Variants in PSD3 observed in about 807,000 individuals in gnomAD.
The protein encoded by PSD3 is pleckstrin and Sec7 domain containing 3.
In PSD3, 49 loss-of-function variants were observed where a neutral mutation model predicts 105.5. The ratio of observed to expected loss-of-function variants is 0.46; its 90% confidence interval spans 0.37 to 0.59. The LOEUF (loss-of-function observed/expected upper bound fraction) is 0.59, where lower values mean the gene tolerates loss of function less well. PSD3 is among the 20% of genes least tolerant of loss of function. PSD3 has a pLI of 0.00. For missense variants in PSD3, 1,561 were observed against 1,263.8 expected (o/e 1.24, Z -3.57); for synonymous variants, 557 against 457.8 (o/e 1.22, Z -2.77).
intron 1 of PSD3, among the ~76,000 whole-genome samples, chr8:19,023,739 T>C (rs1827444450): frequency 6.6e-6 from 1 of 152,188 alleles, no homozygotes; most frequent in Non-Finnish European, 1.5e-5. Context: ...GAATGGCTAC[T>C]GTATTTAGAC....
At chr8:18,704,049 G>C (rs1181959515) in intron 9 of PSD3, among the ~76,000 whole-genome samples, 1 of 152,128 alleles carries the variant, frequency 6.6e-6, no homozygotes, top group African/African-American at 2.4e-5. Context: ...AGATGAAAAA[G>C]CAAGAAACAA....
intron 9 of PSD3, among the ~76,000 whole-genome samples, chr8:18,755,411 C>T (rs1456657847): frequency 1.4e-5 from 2 of 143,964 alleles, no homozygotes; most frequent in African/African-American, 2.6e-5. Context: ...GCCTGGGCAA[C>T]AGAGTGAGAC....
chr8:18,607,769 G>T (rs918513221), intron 11 of PSD3, among the ~76,000 whole-genome samples: 1 of 151,212 alleles, frequency 6.6e-6, no homozygotes, highest in Non-Finnish European at 1.5e-5. Flanking sequence ...ACCTATGACT[G>T]GGTAATTTAT....
chr8:18,634,762 G>A (rs774917176), intron 10 of PSD3, among the ~76,000 whole-genome samples: 2 of 152,132 alleles, frequency 1.3e-5, no homozygotes, highest in African/African-American at 4.8e-5. Flanking sequence ...TATAGGTGAT[G>A]CATCTTTCTC....
intron 1 of PSD3, among the ~76,000 whole-genome samples, chr8:18,970,378 C>T (rs1036405688): frequency 8.0e-5 from 12 of 149,382 alleles, no homozygotes; most frequent in Non-Finnish European, 3.0e-5. Flanking sequence ...AACCTCATTT[C>T]CCCCAATATA....
intron 1 of PSD3, among the ~76,000 whole-genome samples, chr8:19,046,404 T>G (rs1828320357): frequency 6.6e-6 from 1 of 152,120 alleles, no homozygotes. Flanking sequence ...CCACCGTGCC[T>G]GGCCGGTAAC....
At chr8:18,908,047 C>T (rs1819961813) in intron 2 of PSD3, among the ~76,000 whole-genome samples, 2 of 152,114 alleles carry the variant, frequency 1.3e-5, no homozygotes, top group Non-Finnish European at 2.9e-5. Flanking sequence ...TGTAGATAAA[C>T]TGATGAATGC....
chr8:18,749,297 C>T lies in PSD3; in HGVS notation c.2172+16152G>A, dbSNP rs148155802. 1.7e-3 allele frequency among the ~76,000 whole-genome samples: 261 copies of T among 152,344 alleles called. 2 individuals carry two copies. The highest frequency in any genetic ancestry group is 5.9e-3 in the African/African-American group (244 of 41,582). ...TACCCCACAACCAGAGTCCCTTCTA[C>T]TCCAGCTCTATAGCACCCATCGGAA... On this transcript the variant is annotated intron_variant, in intron 9 of 15. Transcript: ENST00000327040.
chr8:18,921,011 C>T (rs1820977188), intron 2 of PSD3, among the ~76,000 whole-genome samples: 1 of 152,170 alleles, frequency 6.6e-6, no homozygotes, highest in Non-Finnish European at 1.5e-5. Flanking sequence ...TACATAAATT[C>T]TACCATAACA....
chr8:18,874,970 T>G (rs979400841), intron 2 of PSD3, among the ~76,000 whole-genome samples: 1 of 152,166 alleles, frequency 6.6e-6, no homozygotes, highest in Non-Finnish European at 1.5e-5. Context: ...GACTGGAGTG[T>G]GGGAGTGCGA....
chr8:18,632,788 T>A lies in PSD3; in HGVS notation c.2235A>T (p.Lys745Asn). The A allele has an allele frequency of 6.3e-7, 1 of 1,578,820 alleles. No individual in the cohort carries two copies. The highest frequency in any genetic ancestry group is 1.1e-5 in the South Asian group (1 of 88,542). ...LEWAVDDEEKKKSPSESTEEK... is the reference protein window; with the variant it reads ...LEWAVDDEEKNKSPSESTEEK... The stretch of plus-strand genomic sequence containing the variant: ...CCTCAGTACTTTCTGAGGGAGACTT[T>A]TTTTTCTCTTCATCATCTCTAAAAG... The change falls in exon 11 of 16, where the codon AAA (lysine) becomes AAT (asparagine). Residue 745 changes from lysine to asparagine, a missense_variant. Physicochemically the swap from Lys to Asn is moderately conservative, Grantham distance 94. Transcript: ENST00000327040.
At chr8:18,919,474 A>G (rs909616496) in intron 2 of PSD3, among the ~76,000 whole-genome samples, 1 of 152,064 alleles carries the variant, frequency 6.6e-6, no homozygotes, top group Non-Finnish European at 1.5e-5. Context: ...TAGATTTCTG[A>G]GTCAAACAGA....
chr8:19,035,818 G>T (rs938274286), intron 1 of PSD3, among the ~76,000 whole-genome samples: 3 of 152,078 alleles, frequency 2.0e-5, no homozygotes, highest in Middle Eastern at 3.4e-3. Context: ...GCTATGACCC[G>T]ATCTCAGCTC....
chr8:18,957,726 T>A (rs1033085791), intron 1 of PSD3, among the ~76,000 whole-genome samples: 1 of 152,186 alleles, frequency 6.6e-6, no homozygotes, highest in Non-Finnish European at 1.5e-5. Flanking sequence ...ACACAGCAGT[T>A]TCCGAGGTTC....
At chr8:18,733,624 G>C (rs1803931427) in intron 9 of PSD3, 1 of 152,802 alleles carries the variant, frequency 6.5e-6, no homozygotes, top group African/African-American at 2.4e-5. Flanking sequence ...CTGGATCAGA[G>C]GCTTTTTACT....
chr8:18,656,063 T>C (rs761454637), intron 9 of PSD3, among the ~76,000 whole-genome samples: 14 of 152,194 alleles, frequency 9.2e-5, no homozygotes, highest in Non-Finnish European at 2.1e-4. Context: ...CTTTTTTCTT[T>C]TCTTCTTTTT....
chr8:18,593,152 A>C (rs1803738537), intron 12 of PSD3, among the ~76,000 whole-genome samples: 1 of 152,142 alleles, frequency 6.6e-6, no homozygotes, highest in South Asian at 2.1e-4. Context: ...GAGCTTCTGC[A>C]CAGCAAAAGA....
At position 18,958,294 on chromosome 8, in the gene PSD3, G is replaced by A. The variant is rs138090602; in HGVS notation, c.22-22152C>T. ...CACACAAACACACAGGCTACCCTCTGTTAACAGAGATTGTCTTAGGGGAAC... is the reference window on the plus strand; with the variant it reads ...CACACAAACACACAGGCTACCCTCTATTAACAGAGATTGTCTTAGGGGAAC... On this transcript the variant is annotated intron_variant, in intron 1 of 15. Coordinates refer to ENST00000327040, the MANE Select transcript of PSD3 (RefSeq NM_015310.4). Among the ~76,000 whole-genome samples, 209 of 152,294 alleles carry A rather than the reference G, an allele frequency of 1.4e-3. 2 individuals carry two copies. Among genetic ancestry groups the A allele is most frequent in the African/African-American group, 4.7e-3 (194 of 41,560 alleles).
chr8:18,566,549 T>G (rs13278191), intron 14 of PSD3, among the ~76,000 whole-genome samples: 64,593 of 147,652 alleles, frequency 0.44, 16,130 homozygotes, highest in Non-Finnish European at 0.57. Flanking sequence ...AAAAAAAAAT[T>G]CCTTAAAAAC....
Sources: gnomAD v4.1 joint callset for allele counts (sites outside exome capture counted in the v4.1 genomes callset) on GRCh38, gnomAD v4.1.1 for gene constraint, MANE v1.5 for transcripts, NCBI Gene and HGNC (gene_info 2026-07-23, HGNC 2026-07-21) for gene names.